The following HDC variants were observed in gnomAD, a reference collection of about 807,000 sequenced individuals.
The protein encoded by HDC is histidine decarboxylase.
In HDC, 27 loss-of-function variants were observed where a neutral mutation model predicts 64.4. The ratio of observed to expected loss-of-function variants is 0.42; its 90% CI spans 0.31 to 0.58. HDC has a LOEUF of 0.58. Among genes scored for constraint, HDC ranks in the 20% least tolerant of loss-of-function variants. The probability of loss-of-function intolerance (pLI) is 0.16; values close to 1 mark genes in which losing one functional copy is unlikely to be tolerated. For synonymous variants in HDC, 305 were observed against 314.2 expected (o/e 0.97, Z 0.31); for missense variants, 711 against 833.9 (o/e 0.85, Z 1.81).
rs11418562 is a variant in HDC, at chr15:50,261,623, CAAAAAAAAAA to C, written c.204+1602_204+1611del. ...TAGCAAGACCTTGTCTCTATTGCTT[CAAAAAAAAAA>C]AAAAAAAAAAGTCAAAATTGCCATC... On this transcript the variant is annotated intron_variant, in intron 2 of 11. Coordinates refer to ENST00000267845, the MANE Select transcript of HDC (RefSeq NM_002112.4). 7.3e-3 allele frequency among the ~76,000 whole-genome samples: 695 copies of C among 95,064 alleles called. 6 individuals are homozygous for C. Among genetic ancestry groups the C allele is most frequent in the African/African-American group, 0.029 (659 of 22,808 alleles). 62.4% of individuals were successfully genotyped at this position (95,064 alleles called of 152,430 possible). A position where few individuals can be genotyped will look rare whatever the true frequency, so the allele number is the denominator to read the frequency against.
chr15:50,245,344 G>C (rs2045465966), intron 10 of HDC, among the ~76,000 whole-genome samples: 1 of 152,174 alleles, frequency 6.6e-6, no homozygotes, highest in Non-Finnish European at 1.5e-5. Flanking sequence ...TTAGTATCTG[G>C]CTTTTTACAG....
intron 4 of HDC, among the ~76,000 whole-genome samples, chr15:50,256,328 G>A (rs999621796): frequency 6.6e-6 from 1 of 152,182 alleles, no homozygotes. Flanking sequence ...GTGAGAGAGG[G>A]AGTCACTTAG....
chr15:50,263,118 G>T, intron 2 of HDC, 117 bp downstream of exon 2: 1 of 1,023,036 alleles, frequency 9.8e-7, no homozygotes, highest in Non-Finnish European at 1.5e-6. Context: ...TGGTGGCCAA[G>T]TGGCTGAAGG....
At position 50,264,349 on chromosome 15, in the gene HDC, C is replaced by A. The variant is rs555604900; in HGVS notation, c.32-942G>T. 2.0e-5 allele frequency among the ~76,000 whole-genome samples: 3 copies of A among 152,212 alleles called. No homozygotes were observed. In the East Asian group the frequency reaches 5.8e-4, roughly 29 times the overall value. On this transcript the variant is annotated intron_variant, in intron 1 of 11. Transcript: ENST00000267845. ...CCTAAAGCACAACCATGGATCCAGACCAAGCCCCCTGCCCTGGCCTGGGAA... is the reference window on the plus strand; with the variant it reads ...CCTAAAGCACAACCATGGATCCAGAACAAGCCCCCTGCCCTGGCCTGGGAA...
chr15:50,253,393 C>T (rs1324312845), intron 7 of HDC: 3 of 642,844 alleles, frequency 4.7e-6, no homozygotes, highest in Non-Finnish European at 8.5e-6. Context: ...AGGTAGGCCA[C>T]CTCTAACTCT....
chr15:50,252,622 T>A lies in HDC; in HGVS notation c.940A>T (p.Thr314Ser), dbSNP rs915539075. ...SKWMMVHFDC[T>S]GFWVKDKYKL... is the part of the protein sequence containing the mutation. ...GGCTGCTACACTCACCAGAACCCAG[T>A]ACAGTCAAAATGCACCATCATCCAC... Residue 314 changes from threonine (T) to serine (S), a missense_variant, in exon 8 of 12, where the codon ACT (threonine) becomes TCT (serine). Physicochemically the swap from Thr to Ser is moderately conservative, Grantham distance 58 (BLOSUM62 1). Coordinates refer to ENST00000267845, the MANE Select transcript of HDC (RefSeq NM_002112.4). The A allele has an allele frequency of 5.0e-6, 8 of 1,613,890 alleles. No individual in the cohort carries two copies. The African/African-American group carries it at 1.1e-4, about 22-fold the overall frequency.
At chr15:50,259,865 G>A (rs1484493256) in intron 2 of HDC, among the ~76,000 whole-genome samples, 1 of 152,170 alleles carries the variant, frequency 6.6e-6, no homozygotes, top group Non-Finnish European at 1.5e-5. Flanking sequence ...GTCCTGGACA[G>A]TGTGTATAGT....
chr15:50,264,785 C>T (rs1225013613), intron 1 of HDC, among the ~76,000 whole-genome samples: 1 of 152,190 alleles, frequency 6.6e-6, no homozygotes, highest in Non-Finnish European at 1.5e-5. Context: ...TATCTTCCTT[C>T]TGCTCCCCTT....
intron 2 of HDC, among the ~76,000 whole-genome samples, chr15:50,262,964 C>T (rs563370820): frequency 1.3e-5 from 2 of 152,196 alleles, no homozygotes; most frequent in Admixed American, 6.5e-5. Context: ...CCAGGCTGTG[C>T]TCTGGAATGC....
chr15:50,262,806 A>G (rs1361470719), intron 2 of HDC, among the ~76,000 whole-genome samples: 1 of 152,044 alleles, frequency 6.6e-6, no homozygotes, highest in Non-Finnish European at 1.5e-5. Context: ...GTGGTCTCAG[A>G]CACTGTACAG....
At chr15:50,254,456 A>T (rs1275260928) in intron 5 of HDC, 74 bp downstream of exon 5, 1 of 1,608,290 alleles carries the variant, frequency 6.2e-7, no homozygotes, top group Admixed American at 1.7e-5. Flanking sequence ...ACGTCTAGAA[A>T]AAAATTGCTC....
At chr15:50,265,051 C>T (rs988826085) in intron 1 of HDC, among the ~76,000 whole-genome samples, 10 of 152,198 alleles carry the variant, frequency 6.6e-5, no homozygotes, top group Non-Finnish European at 1.5e-4. Flanking sequence ...TTTTAAGCAA[C>T]TACCTACTTT....
intron 2 of HDC, among the ~76,000 whole-genome samples, chr15:50,260,145 C>T (rs1423590907): frequency 6.6e-6 from 1 of 152,014 alleles, no homozygotes; most frequent in Non-Finnish European, 1.5e-5. Flanking sequence ...CCTCAGCCTC[C>T]CAAGTAGCTG....
chr15:50,242,116 A>G lies in HDC; in HGVS notation c.*144T>C, dbSNP rs1334959368. 1 of 761,854 alleles carries G rather than the reference A, an allele frequency of 1.3e-6. No homozygotes were observed. Among genetic ancestry groups the G allele is most frequent in the South Asian group, 1.5e-5 (1 of 66,526 alleles). The allele number at this position is 761,854 out of a possible 1,614,324, so 47.2% of individuals were successfully genotyped here. On this transcript the variant is annotated 3_prime_UTR_variant, in exon 12 of 12. Coordinates refer to ENST00000267845, the MANE Select transcript of HDC (RefSeq NM_002112.4). ...GTTTGTATCCTATTGTGGGTCATGA[A>G]CCCCTATGAGAATTTGATTAAAATT...
At chr15:50,253,024 G>T in intron 7 of HDC, 1 of 556,420 alleles carries the variant, frequency 1.8e-6, no homozygotes, top group Non-Finnish European at 3.2e-6. Context: ...TAAAGGGCCA[G>T]CACCCTCTTG....
intron 4 of HDC, among the ~76,000 whole-genome samples, chr15:50,255,145 C>T (rs2045613854): frequency 6.6e-6 from 1 of 152,170 alleles, no homozygotes; most frequent in Non-Finnish European, 1.5e-5. Flanking sequence ...GCTAACATTT[C>T]CCCTCCAGAA....
chr15:50,257,567 T>C lies in HDC; in HGVS notation c.319-20A>G. On this transcript the variant is annotated intron_variant, in intron 3 of 11. Transcript: ENST00000267845. ...GGATGCCTGAGAAAGGAAAAGGAAC[T>C]TCAAACTGCACAGCCCCAGGGCACT... 1.2e-6 allele frequency: 2 copies of C among 1,613,762 alleles called. No individual in the cohort carries two copies.
chr15:50,253,253 A>C lies in HDC; in HGVS notation c.787+347T>G, dbSNP rs1179824337. 4 of 391,024 alleles carry C rather than the reference A, an allele frequency of 1.0e-5. No homozygotes were observed. In the East Asian group the frequency reaches 2.3e-4, roughly 22 times the overall value. 24.2% of individuals were successfully genotyped at this position (391,024 alleles called of 1,614,324 possible). On this transcript the variant is annotated intron_variant, in intron 7 of 11. Transcript: ENST00000267845. ...TTTCCTTTTCTGAAGGTAGAATAGA[A>C]AGCATTTCTATTCTAGCCTAATTCA...
chr15:50,243,568 G>A (rs866845409), intron 10 of HDC, among the ~76,000 whole-genome samples: 1 of 152,206 alleles, frequency 6.6e-6, no homozygotes, highest in African/African-American at 2.4e-5. Flanking sequence ...ACAGCTCCTT[G>A]ACTGGCCAAG....
Sources: gnomAD v4.1 joint callset for allele counts (sites outside exome capture counted in the v4.1 genomes callset) on GRCh38, gnomAD v4.1.1 for gene constraint, MANE v1.5 for transcripts, NCBI Gene and HGNC (gene_info 2026-07-23, HGNC 2026-07-21) for gene names.